Variants in XYLT1 observed in about 807,000 individuals in gnomAD.
XYLT1 encodes the protein xylosyltransferase 1, also known as beta-D-xylosyltransferase 1.
A neutral mutation model predicts 91.3 loss-of-function variants in XYLT1; 36 were observed. The observed-to-expected ratio is 0.39, with a 90% CI of 0.30 to 0.52. The LOEUF (loss-of-function observed/expected upper bound fraction) is 0.52, where lower values mean the gene tolerates loss of function less well. Among genes scored for constraint, XYLT1 ranks in the 20% least tolerant of loss-of-function variants. The probability of loss-of-function intolerance (pLI) is 0.68; values close to 1 mark genes in which losing one functional copy is unlikely to be tolerated. For synonymous variants in XYLT1, 588 were observed against 532.0 expected (o/e 1.11, Z -1.45); for missense variants, 1,242 against 1,284.5 (o/e 0.97, Z 0.51).
chr16:17,332,567 TACAC>T (rs60919228), intron 2 of XYLT1, among the ~76,000 whole-genome samples: 19,375 of 137,590 alleles, frequency 0.14, 1,346 homozygotes, highest in East Asian at 0.21. Flanking sequence ...ATCACACACA[TACAC>T]ACACACACAC....
intron 2 of XYLT1, among the ~76,000 whole-genome samples, chr16:17,286,836 C>G (rs1456250589): frequency 2.0e-5 from 3 of 152,088 alleles, no homozygotes; most frequent in African/African-American, 7.2e-5. Context: ...CTGCTTTAAG[C>G]AAACTTATGA....
intron 2 of XYLT1, among the ~76,000 whole-genome samples, chr16:17,278,841 C>T (rs1037405412): frequency 6.6e-5 from 10 of 152,194 alleles, no homozygotes; most frequent in African/African-American, 2.2e-4. Context: ...GATTCTGAAG[C>T]TTGTACTCTT....
chr16:17,263,984 C>G (rs2033763962), intron 2 of XYLT1, among the ~76,000 whole-genome samples: 1 of 149,188 alleles, frequency 6.7e-6, no homozygotes, highest in African/African-American at 2.5e-5. Context: ...GCTGGGACTA[C>G]TATGATAATA....
At chr16:17,462,776 C>G (rs1004402191) in intron 1 of XYLT1, among the ~76,000 whole-genome samples, 3 of 152,178 alleles carry the variant, frequency 2.0e-5, no homozygotes, top group South Asian at 2.1e-4. Context: ...TTAGAGAGAG[C>G]TGAATTCAAG....
chr16:17,342,512 G>A (rs1159354625), intron 2 of XYLT1, among the ~76,000 whole-genome samples: 2 of 152,100 alleles, frequency 1.3e-5, no homozygotes, highest in African/African-American at 2.4e-5. Context: ...CCATGAGGTT[G>A]GGAGTTCGAG....
chr16:17,161,332 G>GTT (rs2031545138), intron 5 of XYLT1, among the ~76,000 whole-genome samples: 1 of 152,150 alleles, frequency 6.6e-6, no homozygotes, highest in Non-Finnish European at 1.5e-5. Context: ...AGGTTTCCAG[G>GTT]CCCAGAGCTT....
chr16:17,412,545 G>C (rs554942179), intron 1 of XYLT1, among the ~76,000 whole-genome samples: 93 of 141,930 alleles, frequency 6.6e-4, no homozygotes, highest in African/African-American at 2.2e-3. Context: ...AGGATTGGGT[G>C]GGGGGAGGGG....
chr16:17,403,190 AAT>A (rs2035990554), intron 1 of XYLT1, among the ~76,000 whole-genome samples: 1 of 152,174 alleles, frequency 6.6e-6, no homozygotes, highest in African/African-American at 2.4e-5. Context: ...ATTTTATGGG[AAT>A]ACCTCCCTTT....
chr16:17,236,743 G>A (rs901258852), intron 3 of XYLT1, among the ~76,000 whole-genome samples: 1 of 152,184 alleles, frequency 6.6e-6, no homozygotes, highest in African/African-American at 2.4e-5. Flanking sequence ...GCCTTGAGAT[G>A]CATCACCTGT....
chr16:17,281,320 C>T (rs543984566), intron 2 of XYLT1, among the ~76,000 whole-genome samples: 1 of 152,190 alleles, frequency 6.6e-6, no homozygotes, highest in Admixed American at 6.5e-5. Flanking sequence ...TGGAGGCAGG[C>T]ATCAGAGCTC....
chr16:17,425,350 A>G (rs1348178837), intron 1 of XYLT1, among the ~76,000 whole-genome samples: 1 of 152,138 alleles, frequency 6.6e-6, no homozygotes, highest in East Asian at 1.9e-4. Context: ...CATCGTCTAT[A>G]TATTTTAAGA....
In XYLT1 at chr16:17,233,378, G is replaced by C. The variant is rs183152070; in HGVS notation, c.913+25610C>G. Among the ~76,000 whole-genome samples, 345 of 152,352 alleles carry C rather than the reference G, an allele frequency of 2.3e-3. 4 individuals are homozygous for C. The highest frequency in any genetic ancestry group is 8.0e-3 in the African/African-American group (332 of 41,590). On this transcript the variant is annotated intron_variant, in intron 3 of 11. Coordinates refer to ENST00000261381, the MANE Select transcript of XYLT1 (RefSeq NM_022166.4). ...CTGAGCAAAGCAAAAGGAGGGCCTGGAAAGGAAGCAGCCTGGTTTCCCGCT... is the reference window on the plus strand; with the variant it reads ...CTGAGCAAAGCAAAAGGAGGGCCTGCAAAGGAAGCAGCCTGGTTTCCCGCT...
chr16:17,225,774 T>A (rs552534413), intron 3 of XYLT1, among the ~76,000 whole-genome samples: 46 of 152,310 alleles, frequency 3.0e-4, no homozygotes, highest in Admixed American at 8.5e-4. Context: ...TAAGTTACAA[T>A]GCCCCATGAA....
At chr16:17,119,267 C>T (rs9921269) in intron 10 of XYLT1, among the ~76,000 whole-genome samples, 43,767 of 152,000 alleles carry the variant, frequency 0.29, 6,800 homozygotes, top group East Asian at 0.61. Context: ...AGATTCCTGA[C>T]AAGGACCTTT....
chr16:17,456,529 C>T (rs1369554395), intron 1 of XYLT1, among the ~76,000 whole-genome samples: 1 of 151,786 alleles, frequency 6.6e-6, no homozygotes, highest in Non-Finnish European at 1.5e-5. Flanking sequence ...TTTGTAAAGA[C>T]GAGGTCCCAC....
intron 5 of XYLT1, among the ~76,000 whole-genome samples, chr16:17,176,201 G>A (rs1021924028): frequency 6.6e-6 from 1 of 152,168 alleles, no homozygotes; most frequent in East Asian, 1.9e-4. Context: ...CTCACTATGT[G>A]CCAGGCACTG....
At chr16:17,317,106 G>A (rs2034647164) in intron 2 of XYLT1, among the ~76,000 whole-genome samples, 1 of 152,060 alleles carries the variant, frequency 6.6e-6, no homozygotes, top group Non-Finnish European at 1.5e-5. Flanking sequence ...ACAGGCGTGA[G>A]CCACCGTGCC....
intron 1 of XYLT1, among the ~76,000 whole-genome samples, chr16:17,469,881 G>A (rs932627485): frequency 6.6e-6 from 1 of 152,150 alleles, no homozygotes; most frequent in Non-Finnish European, 1.5e-5. Flanking sequence ...AAGACCCAAA[G>A]TAAGACCAGA....
intron 6 of XYLT1, among the ~76,000 whole-genome samples, chr16:17,143,515 A>T (rs1206766693): frequency 1.3e-5 from 2 of 152,128 alleles, no homozygotes; most frequent in Non-Finnish European, 2.9e-5. Flanking sequence ...CCTTATGAAT[A>T]ACTCTATTGT....
Sources: gnomAD v4.1 joint callset for allele counts (sites outside exome capture counted in the v4.1 genomes callset) on GRCh38, gnomAD v4.1.1 for gene constraint, MANE v1.5 for transcripts, NCBI Gene and HGNC (gene_info 2026-07-23, HGNC 2026-07-21) for gene names.